The following SOS1 variants were observed in gnomAD, a reference collection of about 807,000 sequenced individuals.
SOS1 encodes the protein SOS Ras/Rac guanine nucleotide exchange factor 1, also known as son of sevenless homolog 1.
In SOS1, 25 loss-of-function variants were observed where a neutral mutation model predicts 157.6. That is an observed-to-expected ratio of 0.16 (90% CI 0.12 to 0.22). SOS1 has a LOEUF of 0.22. Among genes scored for constraint, SOS1 ranks in the 10% least tolerant of loss-of-function variants. The probability of loss-of-function intolerance (pLI) is 1.00; values close to 1 mark genes in which losing one functional copy is unlikely to be tolerated. For missense variants in SOS1, 1,237 were observed against 1,599.1 expected (o/e 0.77, Z 3.86); for synonymous variants, 528 against 534.0 (o/e 0.99, Z 0.16).
chr2:39,024,440 T>C (rs547044604), intron 8 of SOS1, among the ~76,000 whole-genome samples: 23 of 152,090 alleles, frequency 1.5e-4, no homozygotes, highest in Non-Finnish European at 2.6e-4. Flanking sequence ...ATCGATCTAC[T>C]GAATTATCAT....
chr2:39,064,163 T>G (rs539444888), intron 2 of SOS1, among the ~76,000 whole-genome samples: 1 of 152,290 alleles, frequency 6.6e-6, no homozygotes, highest in East Asian at 1.9e-4. Context: ...TAAATTGATG[T>G]ATAAAACTGT....
chr2:39,042,375 T>C (rs1670601132), intron 6 of SOS1, among the ~76,000 whole-genome samples: 1 of 152,122 alleles, frequency 6.6e-6, no homozygotes, highest in Non-Finnish European at 1.5e-5. Flanking sequence ...TATTCAGATC[T>C]TCCTTGTGAA....
chr2:38,993,647 AC>A (rs1201399436), intron 20 of SOS1: 1 of 152,198 alleles, frequency 6.6e-6, no homozygotes, highest in African/African-American at 2.4e-5. Context: ...ATCGAATTTG[AC>A]CCCCAGAAGG....
At chr2:39,024,987 A>G (rs1244879659) in intron 8 of SOS1, among the ~76,000 whole-genome samples, 2 of 152,244 alleles carry the variant, frequency 1.3e-5, no homozygotes, top group Non-Finnish European at 2.9e-5. Context: ...CTAAGTCATC[A>G]GTAACTAATT....
chr2:38,995,201 G>C lies in SOS1; in HGVS notation c.3268C>G (p.Pro1090Ala), dbSNP rs1271964438. The C allele has an allele frequency of 1.2e-6, 2 of 1,613,978 alleles. No individual in the cohort carries two copies. Among genetic ancestry groups the C allele is most frequent in the Non-Finnish European group, 1.7e-6 (2 of 1,179,888 alleles). Residue 1090 changes from proline (P) to alanine (A), a missense_variant, in exon 20 of 23, where the codon CCG (proline) becomes GCG (alanine). By Grantham distance (27) the Pro-to-Ala change is conservative (BLOSUM62 -1). This residue lies in a region of SOS1 where 306 missense variants were observed against 322.6 expected (regional missense o/e 0.95). Transcript: ENST00000402219. ...PNSPRTPLTPPPASGASSTTD... is the reference protein window; with the variant it reads ...PNSPRTPLTPAPASGASSTTD... ...GTACTGGAAGCACCAGAAGCAGGCG[G>C]AGGTGTTAACGGTGTTCTTGGAGAA... is the stretch of plus-strand genomic sequence containing the variant.
chr2:38,991,497 C>G (rs913341857), intron 20 of SOS1, among the ~76,000 whole-genome samples: 1 of 152,172 alleles, frequency 6.6e-6, no homozygotes, highest in Non-Finnish European at 1.5e-5. Flanking sequence ...TTTCTCCTCT[C>G]TATTATAGCA....
chr2:39,046,495 C>CTTTTTTTTT (rs201639147), intron 6 of SOS1, among the ~76,000 whole-genome samples: 12 of 124,378 alleles, frequency 9.6e-5, no homozygotes, highest in African/African-American at 3.3e-4. Context: ...GAGACAGTGT[C>CTTTTTTTTT]TTTTTTTTTT....
Position 39,115,041 on chromosome 2 carries a change from C to T in SOS1, c.87+5295G>A, listed in dbSNP as rs115742387. 5.1e-3 allele frequency among the ~76,000 whole-genome samples: 781 copies of T among 152,282 alleles called. 13 individuals are homozygous for T. Among genetic ancestry groups the T allele is most frequent in the African/African-American group, 0.018 (746 of 41,542 alleles). ...ATACACTATTTCCCACTCCCTTCCC[C>T]CACTTCTTATGCCAGCCCTTTTTCA... is the stretch of plus-strand genomic sequence containing the variant. On this transcript the variant is annotated intron_variant, in intron 1 of 22. Transcript: ENST00000402219.
At chr2:39,124,386 C>T (rs1294070188), upstream of SOS1, 1 of 152,272 alleles carries the variant, frequency 6.6e-6, no homozygotes, top group African/African-American at 2.4e-5. Flanking sequence ...CACGCCACGG[C>T]GGACGTGACG....
At chr2:38,996,093 T>G (rs574785447) in intron 19 of SOS1, among the ~76,000 whole-genome samples, 1 of 150,812 alleles carries the variant, frequency 6.6e-6, no homozygotes, top group Non-Finnish European at 1.5e-5. Context: ...ATTCTTGACT[T>G]TTTTTTTTTG....
intron 1 of SOS1, among the ~76,000 whole-genome samples, chr2:39,104,112 T>C (rs1262363574): frequency 6.6e-6 from 1 of 151,942 alleles, no homozygotes; most frequent in Non-Finnish European, 1.5e-5. Flanking sequence ...TGAAACCCCG[T>C]CTCTATTAAA....
At chr2:39,093,824 TG>T (rs1463373662) in intron 1 of SOS1, among the ~76,000 whole-genome samples, 29 of 152,352 alleles carry the variant, frequency 1.9e-4, no homozygotes, top group Non-Finnish European at 1.5e-5. Flanking sequence ...AAGGATACAT[TG>T]CTACTTTTAC....
intron 1 of SOS1, among the ~76,000 whole-genome samples, chr2:39,097,908 CATT>C (rs1672828397): frequency 6.6e-6 from 1 of 152,092 alleles, no homozygotes; most frequent in African/African-American, 2.4e-5. Flanking sequence ...AAGTGCTGAA[CATT>C]ATTATTTCTT....
At chr2:39,083,722 T>C (rs565283763) in intron 1 of SOS1, among the ~76,000 whole-genome samples, 1 of 152,170 alleles carries the variant, frequency 6.6e-6, no homozygotes, top group African/African-American at 2.4e-5. Context: ...AAATCCACTT[T>C]TGGGAATTTA....
chr2:39,115,657 G>A (rs1367586719), intron 1 of SOS1, among the ~76,000 whole-genome samples: 1 of 151,846 alleles, frequency 6.6e-6, no homozygotes, highest in Non-Finnish European at 1.5e-5. Flanking sequence ...AGGCTGGCCT[G>A]GAACTCTTGG....
At chr2:39,056,212 C>T (rs550256998) in intron 4 of SOS1, among the ~76,000 whole-genome samples, 64 of 152,062 alleles carry the variant, frequency 4.2e-4, no homozygotes, top group South Asian at 2.3e-3. Flanking sequence ...GTCAGGAGTT[C>T]GAGACCAGCC....
intron 1 of SOS1, among the ~76,000 whole-genome samples, chr2:39,090,636 C>T (rs1318177881): frequency 1.3e-5 from 2 of 152,004 alleles, no homozygotes; most frequent in East Asian, 3.9e-4. Flanking sequence ...GTGGAGGTTG[C>T]ATTGAGCCCA....
At chr2:39,026,081 G>C (rs900062247) in intron 8 of SOS1, among the ~76,000 whole-genome samples, 1 of 152,114 alleles carries the variant, frequency 6.6e-6, no homozygotes, top group African/African-American at 2.4e-5. Context: ...TTTAGGCTGG[G>C]CACGGTGGTT....
rs994053068 is a variant in SOS1, at chr2:39,120,809, T to TG, written c.-388dup. 1.3e-5 allele frequency among the ~76,000 whole-genome samples: 2 copies of TG among 148,800 alleles called. No homozygotes were observed. Among genetic ancestry groups the TG allele is most frequent in the Non-Finnish European group, 3.0e-5 (2 of 67,076 alleles). ...CTGGCCCCGCGGCGGAGCTGGCGGC[T>TG]GGGGGAGGACGTGTGGAGGGACGCT... On this transcript the variant is annotated 5_prime_UTR_variant, in exon 1 of 23. Transcript: ENST00000402219.
Sources: allele counts gnomAD v4.1 joint callset (sites outside exome capture counted in the v4.1 genomes callset), GRCh38; gene constraint gnomAD v4.1.1; regional missense constraint gnomAD v4.1.1; transcripts MANE v1.5; gene names NCBI Gene and HGNC (gene_info 2026-07-23, HGNC 2026-07-21).